The following CNTN6 variants were observed in gnomAD, a reference collection of about 807,000 sequenced individuals.
CNTN6 encodes contactin-6.
Under a neutral mutation model 122.8 loss-of-function variants are expected in CNTN6, and 137 were observed. The ratio of observed to expected loss-of-function variants is 1.12; its 90% CI spans 0.97 to 1.29. The LOEUF is 1.29. Among genes scored for constraint, CNTN6 ranks in the 50% most tolerant of loss-of-function variants. The pLI is 0.00. For missense variants in CNTN6, 1,634 were observed against 1,223.4 expected (o/e 1.34, Z -5.01); for synonymous variants, 570 against 426.0 (o/e 1.34, Z -4.16).
At chr3:1,401,288 T>G (rs1576119369) in intron 20 of CNTN6, 145 bp from the exon 21 acceptor site, 1 of 437,696 alleles carries the variant, frequency 2.3e-6, no homozygotes, top group Non-Finnish European at 4.2e-6. Context: ...TGATTAGAAT[T>G]AATATATTTC....
Position 1,243,725 on chromosome 3 carries a change from G to T in CNTN6, c.358+15732G>T, listed in dbSNP as rs185176824. On this transcript the variant is annotated intron_variant, in intron 4 of 22. Transcript: ENST00000446702. ...CCACCTTTTAAAGAGTAAATTGCTC[G>T]GCAGGTGGGGAAGAGCTAGTCACAG... is the stretch of plus-strand genomic sequence containing the variant. Among the ~76,000 whole-genome samples the T allele has an allele frequency of 5.3e-5, 8 of 152,246 alleles. No homozygotes were observed. In the East Asian group the frequency reaches 1.4e-3, roughly 26 times the overall value.
intron 12 of CNTN6, among the ~76,000 whole-genome samples, chr3:1,365,793 A>C (rs1247239521): frequency 6.6e-6 from 1 of 152,134 alleles, no homozygotes; most frequent in Non-Finnish European, 1.5e-5. Flanking sequence ...GAAATGATAA[A>C]AGTGGAGATA....
rs1696092744 is a variant in CNTN6, at chr3:1,295,664, T to C, written c.518T>C (p.Phe173Ser). Residue 173 changes from phenylalanine (F) to serine (S), a missense_variant, in exon 6 of 23, where the codon TTT becomes TCT. By Grantham distance (155) the Phe-to-Ser change is radical. Coordinates refer to ENST00000446702, the MANE Select transcript of CNTN6 (RefSeq NM_001289080.2). ...TACGTCCAAGAGGACAATAGGCGAT[T>C]TGTATCTCAAGAGACGGGAAACTTG... ...PLYVQEDNRR[F>S]VSQETGNLYI... is the part of the protein sequence containing the mutation. 6.2e-7 allele frequency: 1 copy of C among 1,613,924 alleles called. No individual in the cohort carries two copies. Among genetic ancestry groups the C allele is most frequent in the South Asian group, 1.1e-5 (1 of 91,090 alleles).
At chr3:1,136,401 A>C (rs1018958445) in intron 1 of CNTN6, among the ~76,000 whole-genome samples, 1 of 152,168 alleles carries the variant, frequency 6.6e-6, no homozygotes, top group Non-Finnish European at 1.5e-5. Flanking sequence ...AAAGCACTAC[A>C]GAAAACCGAA....
rs1198727817 is a variant in CNTN6 at position 1,376,888 on chromosome 3, ACTCT to A, written c.2096-113_2096-110del. 7 of 625,772 alleles carry A rather than the reference ACTCT, an allele frequency of 1.1e-5. No individual in the cohort carries two copies. The Admixed American group carries it at 1.7e-4, about 16-fold the overall frequency. 38.8% of individuals were successfully genotyped at this position (625,772 alleles called of 1,614,324 possible). On this transcript the variant is annotated intron_variant, in intron 16 of 22. Coordinates refer to ENST00000446702, the MANE Select transcript of CNTN6 (RefSeq NM_001289080.2). ...AATTTACGTTCATTAAAAATGCAAG[ACTCT>A]CTCACAGTATGCCTGTGTGAGATTT...
At position 1,253,390 on chromosome 3, in the gene CNTN6, G is replaced by T. The variant is rs558310398; in HGVS notation, c.359-25023G>T. 5.9e-4 allele frequency among the ~76,000 whole-genome samples: 90 copies of T among 152,146 alleles called. 1 individual carries two copies. Among genetic ancestry groups the T allele is most frequent in the African/African-American group, 2.0e-3 (83 of 41,528 alleles). Reference sequence around the variant, plus strand: ...CTTTTCCATGGAATAAATAGTTATTGGTGTTTATATACTCTATAATTATTA... The same window carrying T: ...CTTTTCCATGGAATAAATAGTTATTTGTGTTTATATACTCTATAATTATTA... On this transcript the variant is annotated intron_variant, in intron 4 of 22. Transcript: ENST00000446702.
chr3:1,403,596 T>G lies in CNTN6; in HGVS notation c.*178T>G, dbSNP rs558374078. 1 of 406,064 alleles carries G rather than the reference T, an allele frequency of 2.5e-6. No homozygotes were observed. Among genetic ancestry groups the G allele is most frequent in the Admixed American group, 4.2e-5 (1 of 23,638 alleles). The allele number at this position is 406,064 out of a possible 1,614,324, so 25.2% of individuals were successfully genotyped here. ...ATATTAATAAAACAATTTTAAACACTTTTGAATTTTAAAATCCGCACATGA... is the reference window on the plus strand; with the variant it reads ...ATATTAATAAAACAATTTTAAACACGTTTGAATTTTAAAATCCGCACATGA... On this transcript the variant is annotated 3_prime_UTR_variant, in exon 23 of 23. Coordinates refer to ENST00000446702, the MANE Select transcript of CNTN6 (RefSeq NM_001289080.2).
intron 2 of CNTN6, among the ~76,000 whole-genome samples, chr3:1,157,398 G>T (rs994322975): frequency 2.0e-5 from 3 of 151,744 alleles, no homozygotes; most frequent in African/African-American, 7.3e-5. Flanking sequence ...TGTATATTTA[G>T]TAGAGACGGG....
chr3:1,154,448 C>CTTTTTTTTTTTT lies in CNTN6; in HGVS notation c.55+6386_55+6397dup, dbSNP rs771133835. Among the ~76,000 whole-genome samples, 87 of 140,490 alleles carry CTTTTTTTTTTTT rather than the reference C, an allele frequency of 6.2e-4. 6 individuals are homozygous for CTTTTTTTTTTTT. Among genetic ancestry groups the CTTTTTTTTTTTT allele is most frequent in the African/African-American group, 9.9e-4 (36 of 36,332 alleles). 92.2% of individuals were successfully genotyped at this position (140,490 alleles called of 152,430 possible). ...ATAATATTTTTCTTTTCTTTTCTTTCTTTTTTTTTTTTGAGGTGGAGTTTT... is the reference window on the plus strand; with the variant it reads ...ATAATATTTTTCTTTTCTTTTCTTTCTTTTTTTTTTTTTTTTTTTTTTTTGAGGTGGAGTTTT... On this transcript the variant is annotated intron_variant, in intron 2 of 22. Transcript: ENST00000446702.
intron 1 of CNTN6, among the ~76,000 whole-genome samples, chr3:1,125,299 G>A (rs2092120302): frequency 6.6e-6 from 1 of 151,834 alleles, no homozygotes; most frequent in Non-Finnish European, 1.5e-5. Context: ...CAGACCCAAA[G>A]CTTTACAGTG....
At chr3:1,397,861 A>G (rs911582768) in intron 20 of CNTN6, among the ~76,000 whole-genome samples, 2 of 152,050 alleles carry the variant, frequency 1.3e-5, no homozygotes, top group African/African-American at 4.8e-5. Context: ...CCAAATGTCA[A>G]CCCCATGCTG....
At chr3:1,341,769 A>C (rs1439472584) in intron 11 of CNTN6, among the ~76,000 whole-genome samples, 1 of 152,294 alleles carries the variant, frequency 6.6e-6, no homozygotes, top group South Asian at 2.1e-4. Context: ...GGAGTTTAAG[A>C]CAGTTGAACC....
At chr3:1,362,975 AT>A (rs1707691076) in intron 12 of CNTN6, among the ~76,000 whole-genome samples, 1 of 151,926 alleles carries the variant, frequency 6.6e-6, no homozygotes. Flanking sequence ...ATGAAATGAC[AT>A]TTTTAATGCG....
In CNTN6 at chr3:1,295,661, G is replaced by T; in HGVS notation, c.515G>T (p.Arg172Leu). Reference protein sequence around the residue: ...NPLYVQEDNRRFVSQETGNLY... With the variant: ...NPLYVQEDNRLFVSQETGNLY... ...TTATACGTCCAAGAGGACAATAGGC[G>T]ATTTGTATCTCAAGAGACGGGAAAC... Residue 172 changes from arginine (R) to leucine (L), a missense_variant, in exon 6 of 23, where the codon CGA becomes CTA. Arg to Leu is a moderately radical substitution (Grantham distance 102). Transcript: ENST00000446702. 3 of 1,613,956 alleles carry T rather than the reference G, an allele frequency of 1.9e-6. No individual in the cohort carries two copies. The highest frequency in any genetic ancestry group is 1.1e-5 in the South Asian group (1 of 91,084).
At chr3:1,096,414 C>T (rs913815163) in intron 1 of CNTN6, among the ~76,000 whole-genome samples, 11 of 152,222 alleles carry the variant, frequency 7.2e-5, no homozygotes, top group South Asian at 2.1e-4. Flanking sequence ...CTTAACTGGG[C>T]GTGGCCAAAT....
At position 1,321,653 on chromosome 3, in the gene CNTN6, A is replaced by G. The variant is rs1262026561; in HGVS notation, c.765A>G (p.Pro255=). The G allele has an allele frequency of 6.2e-7, 1 of 1,610,468 alleles. No homozygotes were observed. The highest frequency in any genetic ancestry group is 8.5e-7 in the Non-Finnish European group (1 of 1,177,934). The change falls in exon 8 of 23, where the codon CCA becomes CCG. Residue 255 remains proline, a synonymous_variant. Coordinates refer to ENST00000446702, the MANE Select transcript of CNTN6 (RefSeq NM_001289080.2). ...VKLECFALGN[P]VPDISWRRLD... The stretch of plus-strand genomic sequence containing the variant: ...CTAATGAGGTGTAACTGTTTAGTCC[A>G]GTCCCCGATATTAGTTGGAGAAGGT...
chr3:1,273,412 G>A (rs115800704), intron 4 of CNTN6, among the ~76,000 whole-genome samples: 4,816 of 152,216 alleles, frequency 0.032, 113 homozygotes, highest in South Asian at 0.068. Flanking sequence ...GTTTTTAAAG[G>A]TCTTACAGAG....
chr3:1,331,649 AC>A (rs1009039096), intron 11 of CNTN6, among the ~76,000 whole-genome samples: 15 of 152,106 alleles, frequency 9.9e-5, no homozygotes, highest in African/African-American at 3.4e-4. Flanking sequence ...GCAGTATCAA[AC>A]ACAGCACCTT....
At chr3:1,352,522 G>T in intron 12 of CNTN6, 71 bp downstream of exon 12, 2 of 1,559,430 alleles carry the variant, frequency 1.3e-6, no homozygotes, top group African/African-American at 2.7e-5. Flanking sequence ...TTGTGTTATG[G>T]TGTCAAACCT....
Sources: allele counts gnomAD v4.1 joint callset (sites outside exome capture counted in the v4.1 genomes callset), GRCh38; gene constraint gnomAD v4.1.1; transcripts MANE v1.5; gene names NCBI Gene and HGNC (gene_info 2026-07-23, HGNC 2026-07-21).